H4C1: variants seen among roughly 807,000 people sequenced by gnomAD.
The protein encoded by H4C1 is H4 clustered histone 1.
In H4C1, 9 loss-of-function variants were observed where a neutral mutation model predicts 4.4. That is an observed-to-expected ratio of 2.05 (90% CI 1.23 to 3.57). The LOEUF (loss-of-function observed/expected upper bound fraction) is 3.57, where lower values mean the gene tolerates loss of function less well. Among genes scored for constraint, H4C1 ranks in the 30% most tolerant of loss-of-function variants. H4C1 has a pLI of 0.00. For synonymous variants in H4C1, 74 were observed against 57.9 expected, an observed-to-expected ratio of 1.28 and a Z score of -1.27; for missense variants, 124 against 148.8, an observed-to-expected ratio of 0.83 and a Z score of 0.87.
Position 26,021,929 on chromosome 6 carries a change from C to T in H4C1, c.251C>T (p.Ala84Val), listed in dbSNP as rs147105535. ...TEHAKRKTVT[A>V]MDVVYALKRQ... is the part of the protein sequence containing the mutation. ...CACGCCAAGCGCAAGACAGTCACTG[C>T]CATGGACGTGGTCTACGCGCTTAAG... The change falls in exon 1 of 1, where the codon GCC (alanine) becomes GTC (valine). Residue 84 changes from alanine to valine, a missense_variant. Transcript: ENST00000617569. The T allele has an allele frequency of 7.7e-4, 1,238 of 1,613,608 alleles. 10 individuals are homozygous for T. The highest frequency in any genetic ancestry group is 1.1e-4 in the Non-Finnish European group (133 of 1,179,618).
rs774986438 is a variant in H4C1, at chr6:26,021,919, A to ACAGT, written c.244_247dup (p.Thr83SerfsTer11). ...CTATACGGAGCACGCCAAGCGCAAG[A>ACAGT]CAGTCACTGCCATGGACGTGGTCTA... On this transcript the variant is annotated frameshift_variant, in exon 1 of 1. Coordinates refer to ENST00000617569, the MANE Select transcript of H4C1 (RefSeq NM_003538.4). LOFTEE classifies it high-confidence loss of function. 3.7e-5 allele frequency: 60 copies of ACAGT among 1,613,950 alleles called. No individual in the cohort carries two copies. Among genetic ancestry groups the ACAGT allele is most frequent in the Non-Finnish European group, 4.9e-5 (58 of 1,179,938 alleles).
rs3734528 is a variant in H4C1 at position 26,022,016 on chromosome 6, A to C, written c.*26A>C. On this transcript the variant is annotated 3_prime_UTR_variant, in exon 1 of 1. Coordinates refer to ENST00000617569, the MANE Select transcript of H4C1 (RefSeq NM_003538.4). ...GGTTGCTGATTTCTCCACAGCTTGCATTTCTGAACCAAAGGCCCTTTTCAG... is the reference window on the plus strand; with the variant it reads ...GGTTGCTGATTTCTCCACAGCTTGCCTTTCTGAACCAAAGGCCCTTTTCAG... The C allele has an allele frequency of 8.5e-6, 13 of 1,537,536 alleles. No individual in the cohort carries two copies. The highest frequency in any genetic ancestry group is 1.1e-5 in the Non-Finnish European group (13 of 1,142,848).
chr6:26,021,899 CG>C lies in H4C1; in HGVS notation c.223del (p.Glu75SerfsTer?). On this transcript the variant is annotated frameshift_variant, in exon 1 of 1. Transcript: ENST00000617569. LOFTEE classifies it high-confidence loss of function. ...ENVIRDAVTY[T>X]EHAKRKTVTA... ...GTGATCCGTGACGCTGTCACCTATA[CG>C]GAGCACGCCAAGCGCAAGACAGTCA... 6.2e-7 allele frequency: 1 copy of C among 1,614,190 alleles called. No homozygotes were observed. Among genetic ancestry groups the C allele is most frequent in the South Asian group, 1.1e-5 (1 of 91,084 alleles).
chr6:26,021,992 G>A lies in H4C1; in HGVS notation c.*2G>A. ...ACCCTTTATGGCTTTGGCGGTTAAG[G>A]TTGCTGATTTCTCCACAGCTTGCAT... On this transcript the variant is annotated 3_prime_UTR_variant, in exon 1 of 1. Coordinates refer to ENST00000617569, the MANE Select transcript of H4C1 (RefSeq NM_003538.4). 6.4e-7 allele frequency: 1 copy of A among 1,567,240 alleles called. No homozygotes were observed. The highest frequency in any genetic ancestry group is 1.9e-5 in the Admixed American group (1 of 53,426).
rs1194851882 is a variant in H4C1 at position 26,021,690 on chromosome 6, TGGTAAGGGCGGGAAGGGTTTG to T, written c.21_41del (p.Lys9_Gly15del). On this transcript the variant is annotated inframe_deletion, in exon 1 of 1. Transcript: ENST00000617569. The stretch of plus-strand genomic sequence containing the variant: ...CTTCTTGGGAAGTCATGTCTGGACG[TGGTAAGGGCGGGAAGGGTTTG>T]GGTAAGGGGGGTGCCAAGCGCCACC... 1 of 1,603,224 alleles carries T rather than the reference TGGTAAGGGCGGGAAGGGTTTG, an allele frequency of 6.2e-7. No homozygotes were observed. The highest frequency in any genetic ancestry group is 1.7e-5 in the Admixed American group (1 of 59,272).
chr6:26,021,889 G>GGAGCACGTGA lies in H4C1; in HGVS notation c.211_212insGAGCACGTGA (p.Val71GlyfsTer25), dbSNP rs769352774. ...TTTGGAGAACGTGATCCGTGACGCT[G>GGAGCACGTGA]TCACCTATACGGAGCACGCCAAGCG... is the stretch of plus-strand genomic sequence containing the variant. On this transcript the variant is annotated frameshift_variant, in exon 1 of 1. Transcript: ENST00000617569. LOFTEE classifies it high-confidence loss of function. 2 of 1,614,240 alleles carry GGAGCACGTGA rather than the reference G, an allele frequency of 1.2e-6. No homozygotes were observed. The highest frequency in any genetic ancestry group is 2.2e-5 in the South Asian group (2 of 91,088).
At position 26,021,702 on chromosome 6, in the gene H4C1, G is replaced by C; in HGVS notation, c.24G>C (p.Gly8=). The part of the protein sequence containing the change: MSGRGKG[G]KGLGKGGAKR... ...TCATGTCTGGACGTGGTAAGGGCGG[G>C]AAGGGTTTGGGTAAGGGGGGTGCCA... The change falls in exon 1 of 1, where the codon GGG becomes GGC. Residue 8 remains glycine (G), a synonymous_variant. Coordinates refer to ENST00000617569, the MANE Select transcript of H4C1 (RefSeq NM_003538.4). 6.2e-7 allele frequency: 1 copy of C among 1,610,096 alleles called. No individual in the cohort carries two copies. The highest frequency in any genetic ancestry group is 8.5e-7 in the Non-Finnish European group (1 of 1,177,430).
Position 26,021,819 on chromosome 6 carries a change from C to T in H4C1, c.141C>T (p.Ile47=), listed in dbSNP as rs371615314. 1.9e-6 allele frequency: 3 copies of T among 1,614,156 alleles called. No individual in the cohort carries two copies. Among genetic ancestry groups the T allele is most frequent in the Admixed American group, 1.7e-5 (1 of 60,018 alleles). The change falls in exon 1 of 1, where the codon ATC becomes ATT. Residue 47 remains isoleucine (I), a synonymous_variant. Transcript: ENST00000617569. The stretch of plus-strand genomic sequence containing the variant: ...CCCGGCGTGGCGGTGTGAAGCGGAT[C>T]TCTGGTCTGATCTACGAGGAGACTC... ...RLARRGGVKR[I]SGLIYEETRG... is the part of the protein sequence containing the mutation.
rs1362793080 is a variant in H4C1, at chr6:26,021,793, G to A, written c.115G>A (p.Ala39Thr). The A allele has an allele frequency of 6.2e-7, 1 of 1,614,152 alleles. No homozygotes were observed. The highest frequency in any genetic ancestry group is 8.5e-7 in the Non-Finnish European group (1 of 1,180,048). ...CACCAAGCCGGCCATCCGGCGTCTG[G>A]CCCGGCGTGGCGGTGTGAAGCGGAT... The part of the protein sequence containing the change: ...GITKPAIRRL[A>T]RRGGVKRISG... The change falls in exon 1 of 1, where the codon GCC becomes ACC. Residue 39 changes from alanine (A) to threonine (T), a missense_variant. Physicochemically the swap from Ala to Thr is moderately conservative, Grantham distance 58. Transcript: ENST00000617569.
In H4C1 at chr6:26,021,663, C is replaced by A; in HGVS notation, c.-16C>A. 6.3e-7 allele frequency: 1 copy of A among 1,575,378 alleles called. No individual in the cohort carries two copies. The highest frequency in any genetic ancestry group is 1.2e-5 in the South Asian group (1 of 85,982). On this transcript the variant is annotated 5_prime_UTR_variant, in exon 1 of 1. Coordinates refer to ENST00000617569, the MANE Select transcript of H4C1 (RefSeq NM_003538.4). Reference sequence around the variant, plus strand: ...CCTATTCTCTCACTTGCTCTTGGTTCACTTCTTGGGAAGTCATGTCTGGAC... The same window carrying A: ...CCTATTCTCTCACTTGCTCTTGGTTAACTTCTTGGGAAGTCATGTCTGGAC...
chr6:26,021,950 T>C lies in H4C1; in HGVS notation c.272T>C (p.Leu91Pro). ...ACTGCCATGGACGTGGTCTACGCGC[T>C]TAAGCGCCAGGGACGCACCCTTTAT... ...TVTAMDVVYALKRQGRTLYGF... is the reference protein window; with the variant it reads ...TVTAMDVVYAPKRQGRTLYGF... Residue 91 changes from leucine to proline, a missense_variant, in exon 1 of 1, where the codon CTT (leucine) becomes CCT (proline). Physicochemically the swap from Leu to Pro is moderately conservative, Grantham distance 98. Coordinates refer to ENST00000617569, the MANE Select transcript of H4C1 (RefSeq NM_003538.4). 6.2e-7 allele frequency: 1 copy of C among 1,611,272 alleles called. No individual in the cohort carries two copies.
At position 26,021,783 on chromosome 6, in the gene H4C1, C is replaced by T. The variant is rs1581628762; in HGVS notation, c.105C>T (p.Ile35=). The T allele has an allele frequency of 6.2e-7, 1 of 1,614,140 alleles. No individual in the cohort carries two copies. Among genetic ancestry groups the T allele is most frequent in the African/African-American group, 1.3e-5 (1 of 74,948 alleles). The change falls in exon 1 of 1, where the codon ATC becomes ATT. Residue 35 remains isoleucine (I), a synonymous_variant. Transcript: ENST00000617569. ...TCCAGGGCATCACCAAGCCGGCCATCCGGCGTCTGGCCCGGCGTGGCGGTG... is the reference window on the plus strand; with the variant it reads ...TCCAGGGCATCACCAAGCCGGCCATTCGGCGTCTGGCCCGGCGTGGCGGTG... ...DNIQGITKPA[I]RRLARRGGVK...
At position 26,021,831 on chromosome 6, in the gene H4C1, C is replaced by A. The variant is rs1355240289; in HGVS notation, c.153C>A (p.Ile51=). ...RGGVKRISGL[I]YEETRGVLKV... ...GTGTGAAGCGGATCTCTGGTCTGAT[C>A]TACGAGGAGACTCGCGGGGTGCTCA... The change falls in exon 1 of 1, where the codon ATC becomes ATA. Residue 51 remains isoleucine (I), a synonymous_variant. Coordinates refer to ENST00000617569, the MANE Select transcript of H4C1 (RefSeq NM_003538.4). 8.1e-6 allele frequency: 13 copies of A among 1,614,150 alleles called. No homozygotes were observed. In the South Asian group the frequency reaches 1.4e-4, roughly 18 times the overall value.
Position 26,021,924 on chromosome 6 carries a change from C to CAA in H4C1, c.247_248insAA (p.Thr83LysfsTer?). 2 of 1,613,950 alleles carry CAA rather than the reference C, an allele frequency of 1.2e-6. No homozygotes were observed. Among genetic ancestry groups the CAA allele is most frequent in the Middle Eastern group, 1.6e-4 (1 of 6,062 alleles). ...CGGAGCACGCCAAGCGCAAGACAGT[C>CAA]ACTGCCATGGACGTGGTCTACGCGC... On this transcript the variant is annotated frameshift_variant, in exon 1 of 1. Transcript: ENST00000617569. LOFTEE classifies it high-confidence loss of function.
chr6:26,021,921 A>T lies in H4C1; in HGVS notation c.243A>T (p.Thr81=), dbSNP rs1190409968. ...VTYTEHAKRK[T]VTAMDVVYAL... ...ATACGGAGCACGCCAAGCGCAAGAC[A>T]GTCACTGCCATGGACGTGGTCTACG... Residue 81 remains threonine (T), a synonymous_variant, in exon 1 of 1, where the codon ACA becomes ACT. Coordinates refer to ENST00000617569, the MANE Select transcript of H4C1 (RefSeq NM_003538.4). 1.9e-6 allele frequency: 3 copies of T among 1,613,922 alleles called. No individual in the cohort carries two copies. The highest frequency in any genetic ancestry group is 2.5e-6 in the Non-Finnish European group (3 of 1,179,810).
Position 26,021,768 on chromosome 6 carries a change from C to T in H4C1, c.90C>T (p.Ile30=), listed in dbSNP as rs776618583. 46 of 1,614,134 alleles carry T rather than the reference C, an allele frequency of 2.8e-5. No homozygotes were observed. Among genetic ancestry groups the T allele is most frequent in the African/African-American group, 5.3e-5 (4 of 74,938 alleles). Residue 30 remains isoleucine (I), a synonymous_variant, in exon 1 of 1, where the codon ATC becomes ATT. Transcript: ENST00000617569. ...TGTTGCGTGACAACATCCAGGGCATCACCAAGCCGGCCATCCGGCGTCTGG... is the reference window on the plus strand; with the variant it reads ...TGTTGCGTGACAACATCCAGGGCATTACCAAGCCGGCCATCCGGCGTCTGG... ...RKVLRDNIQG[I]TKPAIRRLAR...
rs139065935 is a variant in H4C1 at position 26,021,771 on chromosome 6, C to T, written c.93C>T (p.Thr31=). The T allele has an allele frequency of 7.6e-5, 123 of 1,614,270 alleles. No individual in the cohort carries two copies. The highest frequency in any genetic ancestry group is 6.6e-4 in the Middle Eastern group (4 of 6,062). The change falls in exon 1 of 1, where the codon ACC becomes ACT. Residue 31 remains threonine, a synonymous_variant. Coordinates refer to ENST00000617569, the MANE Select transcript of H4C1 (RefSeq NM_003538.4). ...TGCGTGACAACATCCAGGGCATCAC[C>T]AAGCCGGCCATCCGGCGTCTGGCCC... ...KVLRDNIQGI[T]KPAIRRLARR...
Position 26,021,683 on chromosome 6 carries a change from C to T in H4C1, c.5C>T (p.Ser2Phe), listed in dbSNP as rs965812692. The T allele has an allele frequency of 6.3e-6, 10 of 1,598,946 alleles. No homozygotes were observed. The highest frequency in any genetic ancestry group is 1.3e-5 in the African/African-American group (1 of 74,692). The change falls in exon 1 of 1, where the codon TCT (serine) becomes TTT (phenylalanine). Residue 2 changes from serine (S) to phenylalanine (F), a missense_variant. Ser to Phe is a radical substitution (Grantham distance 155, BLOSUM62 -2). Coordinates refer to ENST00000617569, the MANE Select transcript of H4C1 (RefSeq NM_003538.4). The part of the protein sequence containing the change: M[S>F]GRGKGGKGLG... ...TGGTTCACTTCTTGGGAAGTCATGT[C>T]TGGACGTGGTAAGGGCGGGAAGGGT... is the stretch of plus-strand genomic sequence containing the variant.
chr6:26,021,768 C>A lies in H4C1; in HGVS notation c.90C>A (p.Ile30=), dbSNP rs776618583. The change falls in exon 1 of 1, where the codon ATC becomes ATA. Residue 30 remains isoleucine, a synonymous_variant. Coordinates refer to ENST00000617569, the MANE Select transcript of H4C1 (RefSeq NM_003538.4). ...TGTTGCGTGACAACATCCAGGGCAT[C>A]ACCAAGCCGGCCATCCGGCGTCTGG... ...RKVLRDNIQG[I]TKPAIRRLAR... 4 of 1,614,252 alleles carry A rather than the reference C, an allele frequency of 2.5e-6. No individual in the cohort carries two copies. Among genetic ancestry groups the A allele is most frequent in the Non-Finnish European group, 3.4e-6 (4 of 1,180,048 alleles).
Sources: allele counts gnomAD v4.1 joint callset, GRCh38; gene constraint gnomAD v4.1.1; transcripts MANE v1.5; gene names NCBI Gene and HGNC (gene_info 2026-07-23, HGNC 2026-07-21).